Variants in PCDHA1 observed in about 807,000 individuals in gnomAD.
PCDHA1 encodes the protein protocadherin alpha-1.
A neutral mutation model predicts 61.3 loss-of-function variants in PCDHA1; 42 were observed. The ratio of observed to expected loss-of-function variants is 0.69; its 90% confidence interval spans 0.54 to 0.89. The LOEUF (loss-of-function observed/expected upper bound fraction) is 0.89. Among genes scored for constraint, PCDHA1 ranks in the 40% least tolerant of loss-of-function variants. The pLI is 0.00. For synonymous variants in PCDHA1, 610 were observed against 553.8 expected, an observed-to-expected ratio of 1.10 and a Z score of -1.43; for missense variants, 1,256 against 1,235.3, an observed-to-expected ratio of 1.02 and a Z score of -0.25.
chr5:141,003,588 T>C (rs558863784), intron 3 of PCDHA1, among the ~76,000 whole-genome samples: 65 of 152,252 alleles, frequency 4.3e-4, no homozygotes, highest in African/African-American at 1.3e-3. Context: ...GCTGGGATTT[T>C]AGATGTGAGC....
chr5:140,793,942 C>T (rs1174690021), intron 1 of PCDHA1, among the ~76,000 whole-genome samples: 1 of 152,132 alleles, frequency 6.6e-6, no homozygotes, highest in East Asian at 1.9e-4. Context: ...AGTATATATA[C>T]ACATATATTT....
At chr5:140,870,489 C>A in intron 1 of PCDHA1, 1 of 1,614,222 alleles carries the variant, frequency 6.2e-7, no homozygotes, top group South Asian at 1.1e-5. Context: ...ACACCGTGTT[C>A]GTGAAGGAGA....
chr5:140,828,404 C>A, intron 1 of PCDHA1: 1 of 1,614,252 alleles, frequency 6.2e-7, no homozygotes, highest in Non-Finnish European at 8.5e-7. Context: ...GTGCAGCATC[C>A]ACCTGGAGGT....
At chr5:140,925,513 A>G (rs2082534793) in intron 1 of PCDHA1, among the ~76,000 whole-genome samples, 1 of 152,104 alleles carries the variant, frequency 6.6e-6, no homozygotes, top group South Asian at 2.1e-4. Flanking sequence ...CACGCAAAAG[A>G]CCAAATTAAA....
chr5:140,869,307 C>G, intron 1 of PCDHA1: 2 of 1,613,664 alleles, frequency 1.2e-6, no homozygotes, highest in Non-Finnish European at 1.7e-6. Flanking sequence ...GGGTGGCGTC[C>G]AAAACACATG....
rs782473888 is a variant in PCDHA1, at chr5:140,787,603, C to A, written c.1313C>A (p.Thr438Lys). Residue 438 changes from threonine (T) to lysine (K), a missense_variant, in exon 1 of 4, where the codon ACG (threonine) becomes AAG (lysine). Transcript: ENST00000504120. The stretch of plus-strand genomic sequence containing the variant: ...GGGGGCTCGCCTTCGCTGTGGGCCA[C>A]GGCCAGGGTGTCCGTGGAGGTGGCC... The part of the protein sequence containing the change: ...RDGGSPSLWA[T>K]ARVSVEVADV... The A allele has an allele frequency of 6.2e-6, 10 of 1,613,982 alleles. No homozygotes were observed. The South Asian group carries it at 9.9e-5, about 16-fold the overall frequency.
chr5:140,902,284 T>C (rs2069352303), intron 1 of PCDHA1, among the ~76,000 whole-genome samples: 2 of 149,984 alleles, frequency 1.3e-5, no homozygotes, highest in South Asian at 4.3e-4. Context: ...GCAATCCTCC[T>C]GCCTCAGCCT....
intron 1 of PCDHA1, among the ~76,000 whole-genome samples, chr5:140,838,075 A>AGTGTGTGTGTGTG (rs781914509): frequency 7.8e-6 from 1 of 128,240 alleles, no homozygotes; most frequent in African/African-American, 3.1e-5. Context: ...TTATATATAT[A>AGTGTGTGTGTGTG]TAGTGTGTGT....
rs782330604 is a variant in PCDHA1 at position 140,787,499 on chromosome 5, T to C, written c.1209T>C (p.Asn403=). 3 of 1,614,070 alleles carry C rather than the reference T, an allele frequency of 1.9e-6. No individual in the cohort carries two copies. Among genetic ancestry groups the C allele is most frequent in the Non-Finnish European group, 1.7e-6 (2 of 1,180,038 alleles). The stretch of plus-strand genomic sequence containing the variant: ...TCAAGCTGGTGTCCACCTTCAAGAA[T>C]TACTACTCGTTGGTGTTGGACAGCG... ...VPFKLVSTFK[N]YYSLVLDSAL... is the part of the protein sequence containing the mutation. The change falls in exon 1 of 4, where the codon AAT becomes AAC. Residue 403 remains asparagine (N), a synonymous_variant. Coordinates refer to ENST00000504120, the MANE Select transcript of PCDHA1 (RefSeq NM_018900.4).
chr5:140,974,994 A>C (rs901871984), intron 1 of PCDHA1, among the ~76,000 whole-genome samples: 8 of 152,126 alleles, frequency 5.3e-5, no homozygotes, highest in African/African-American at 1.9e-4. Flanking sequence ...AGGTATTCTC[A>C]AGGCTGAAAT....
chr5:140,807,003 A>T, intron 1 of PCDHA1: 1 of 732,428 alleles, frequency 1.4e-6, no homozygotes, highest in Non-Finnish European at 2.2e-6. Context: ...GTCGCTCTTT[A>T]CCACAAAATA....
At chr5:140,809,226 C>T (rs1425817282) in intron 1 of PCDHA1, 1 of 1,613,974 alleles carries the variant, frequency 6.2e-7, no homozygotes, top group African/African-American at 1.3e-5. Flanking sequence ...AAGGCCTCCT[C>T]ACGGGCGTTG....
chr5:140,909,837 A>G (rs1385622846), intron 1 of PCDHA1, among the ~76,000 whole-genome samples: 3 of 152,190 alleles, frequency 2.0e-5, no homozygotes, highest in Non-Finnish European at 4.4e-5. Context: ...CTGGAGGACC[A>G]CCAGGACGTT....
intron 1 of PCDHA1, chr5:140,795,544 C>G: frequency 6.2e-7 from 1 of 1,614,172 alleles, no homozygotes; most frequent in Non-Finnish European, 8.5e-7. Flanking sequence ...ATCTTTGTCT[C>G]TCGTGCTGGG....
intron 1 of PCDHA1, among the ~76,000 whole-genome samples, chr5:140,956,777 G>A (rs1470027067): frequency 6.6e-6 from 1 of 152,022 alleles, no homozygotes; most frequent in Admixed American, 6.6e-5. Context: ...GTCTGGTCCT[G>A]GGCTTTGTTT....
chr5:140,935,921 C>G (rs1480748257), intron 1 of PCDHA1, among the ~76,000 whole-genome samples: 2 of 129,532 alleles, frequency 1.5e-5, no homozygotes, highest in African/African-American at 5.8e-5. Context: ...GAGACAGATT[C>G]TCATTCTGTT....
intron 1 of PCDHA1, chr5:140,856,950 T>C: frequency 6.3e-7 from 1 of 1,593,338 alleles, no homozygotes; most frequent in Non-Finnish European, 8.6e-7. Flanking sequence ...ACGGGAGAAA[T>C]AAAAGTAAAT....
At chr5:140,809,166 C>T (rs1275758806) in intron 1 of PCDHA1, 1 of 1,613,942 alleles carries the variant, frequency 6.2e-7, no homozygotes, top group Non-Finnish European at 8.5e-7. Context: ...CCCGCGCTGA[C>T]GGCCACGGCC....
At chr5:140,839,929 A>G (rs1196921808) in intron 1 of PCDHA1, among the ~76,000 whole-genome samples, 3 of 152,064 alleles carry the variant, frequency 2.0e-5, no homozygotes, top group Non-Finnish European at 2.9e-5. Context: ...TTGAACAAAG[A>G]GTGTGCCAAG....
Sources: allele counts gnomAD v4.1 joint callset (sites outside exome capture counted in the v4.1 genomes callset), GRCh38; gene constraint gnomAD v4.1.1; transcripts MANE v1.5; gene names NCBI Gene and HGNC (gene_info 2026-07-23, HGNC 2026-07-21).